TRAPPC9: variants seen among roughly 807,000 people sequenced by gnomAD.
TRAPPC9 encodes IKK2 binding protein.
In TRAPPC9, 83 loss-of-function variants were observed where a neutral mutation model predicts 124.0. The observed-to-expected ratio is 0.67, with a 90% CI of 0.56 to 0.80. The LOEUF (loss-of-function observed/expected upper bound fraction) is 0.80, where lower values mean the gene tolerates loss of function less well. Among genes scored for constraint, TRAPPC9 ranks in the 30% least tolerant of loss-of-function variants. The probability of loss-of-function intolerance (pLI) is 0.00; values close to 1 mark genes in which losing one functional copy is unlikely to be tolerated. For synonymous variants in TRAPPC9, 638 were observed against 617.5 expected (o/e 1.03, Z -0.49); for missense variants, 1,302 against 1,508.3 (o/e 0.86, Z 2.27).
chr8:140,162,426 T>G (rs1195806092), intron 17 of TRAPPC9, among the ~76,000 whole-genome samples: 1 of 152,240 alleles, frequency 6.6e-6, no homozygotes, highest in Non-Finnish European at 1.5e-5. Context: ...ATTGATCTGC[T>G]GATTACACTG....
intron 21 of TRAPPC9, among the ~76,000 whole-genome samples, chr8:139,840,789 G>A (rs28592977): frequency 0.19 from 28,709 of 152,042 alleles, 4,599 homozygotes; most frequent in African/African-American, 0.42. Context: ...CACAGCCCAG[G>A]GTCGCTCACC....
intron 9 of TRAPPC9, among the ~76,000 whole-genome samples, chr8:140,357,361 G>C (rs565978990): frequency 6.6e-6 from 1 of 152,234 alleles, no homozygotes; most frequent in South Asian, 2.1e-4. Context: ...TGACGGCTCA[G>C]GCGAAGGGCT....
chr8:139,990,941 G>A (rs867117449), intron 18 of TRAPPC9, among the ~76,000 whole-genome samples: 2 of 152,146 alleles, frequency 1.3e-5, no homozygotes, highest in South Asian at 4.2e-4. Context: ...CGCACACCTT[G>A]AGATGACAGC....
At chr8:139,845,840 G>A (rs1386935868) in intron 21 of TRAPPC9, among the ~76,000 whole-genome samples, 1 of 152,238 alleles carries the variant, frequency 6.6e-6, no homozygotes, top group Non-Finnish European at 1.5e-5. Context: ...GACCCTAACA[G>A]ACAAGCTGTG....
At chr8:140,405,810 A>G in intron 5 of TRAPPC9, 112 bp from the exon 6 acceptor site, 1 of 1,238,286 alleles carries the variant, frequency 8.1e-7, no homozygotes, top group South Asian at 1.3e-5. Flanking sequence ...TGAAATTTAA[A>G]TAATGTAAGT....
At chr8:140,235,468 A>T (rs1314002636) in intron 16 of TRAPPC9, among the ~76,000 whole-genome samples, 2 of 152,292 alleles carry the variant, frequency 1.3e-5, no homozygotes, top group South Asian at 2.1e-4. Context: ...ATAACCCAAT[A>T]AAAAAATGAA....
chr8:140,169,592 G>A (rs545185164), intron 17 of TRAPPC9, among the ~76,000 whole-genome samples: 5 of 152,250 alleles, frequency 3.3e-5, no homozygotes, highest in South Asian at 2.1e-4. Context: ...GTCCAGCCAC[G>A]AGAAGGAAGG....
At chr8:140,157,507 G>A (rs1361505030) in intron 17 of TRAPPC9, among the ~76,000 whole-genome samples, 1 of 152,240 alleles carries the variant, frequency 6.6e-6, no homozygotes, top group Admixed American at 6.5e-5. Flanking sequence ...GAAGATTCAG[G>A]AGCAGAACAA....
In TRAPPC9 at chr8:140,221,536, C is replaced by A; in HGVS notation, c.2479G>T (p.Val827Phe). Residue 827 changes from valine (V) to phenylalanine (F), a missense_variant, in exon 17 of 23, where the codon GTC becomes TTC. This residue lies in a region of TRAPPC9 where 640 missense variants were observed against 679.3 expected (regional missense o/e 0.94). Coordinates refer to ENST00000438773, the MANE Select transcript of TRAPPC9 (RefSeq NM_001160372.4). ...GFPLSSPFRQ[V>F]VRPRVEGKPV... is the part of the protein sequence containing the mutation. Reference sequence around the variant, plus strand: ...TTGCCCTCCACTCGGGGCCGAACGACCTGCCGAAAAGGACTGGACAGGGGA... The same window carrying A: ...TTGCCCTCCACTCGGGGCCGAACGAACTGCCGAAAAGGACTGGACAGGGGA... The A allele has an allele frequency of 6.2e-7, 1 of 1,614,160 alleles. No homozygotes were observed. The highest frequency in any genetic ancestry group is 1.6e-4 in the Middle Eastern group (1 of 6,062).
chr8:140,447,790 C>T (rs1394881751), intron 2 of TRAPPC9, among the ~76,000 whole-genome samples: 5 of 152,148 alleles, frequency 3.3e-5, no homozygotes. Flanking sequence ...CACTTCCTCA[C>T]TCCTACCAAG....
At chr8:140,071,993 GA>G (rs1277273490) in intron 17 of TRAPPC9, among the ~76,000 whole-genome samples, 1 of 152,178 alleles carries the variant, frequency 6.6e-6, no homozygotes, top group African/African-American at 2.4e-5. Context: ...AACTGACGCA[GA>G]AAAAGCACCT....
chr8:140,375,013 G>A (rs1033550209), intron 7 of TRAPPC9, among the ~76,000 whole-genome samples: 1 of 152,100 alleles, frequency 6.6e-6, no homozygotes, highest in Non-Finnish European at 1.5e-5. Context: ...GGAAAAGCTC[G>A]AGCGCAACTG....
At chr8:139,732,318 C>T in intron 21 of TRAPPC9, 116 bp from the exon 22 acceptor site, 1 of 978,196 alleles carries the variant, frequency 1.0e-6, no homozygotes, top group Non-Finnish European at 1.5e-6. Context: ...AAGGCTGCCA[C>T]CCACTCCCTG....
At chr8:139,948,629 T>C (rs1834430968) in intron 19 of TRAPPC9, among the ~76,000 whole-genome samples, 1 of 152,088 alleles carries the variant, frequency 6.6e-6, no homozygotes, top group South Asian at 2.1e-4. Flanking sequence ...CACCTTCAAA[T>C]GTAAAATTCT....
Position 140,253,677 on chromosome 8 carries a change from C to CA in TRAPPC9, c.2279-749dup, listed in dbSNP as rs1440859834. ...TGGGCAACAGAGCAAGACTCCATCT[C>CA]AAAAGAAAAAAAAAACATCAAATCA... On this transcript the variant is annotated intron_variant, in intron 15 of 22. Coordinates refer to ENST00000438773, the MANE Select transcript of TRAPPC9 (RefSeq NM_001160372.4). Among the ~76,000 whole-genome samples, 1,294 of 147,010 alleles carry CA rather than the reference C, an allele frequency of 8.8e-3. 20 individuals carry two copies. The highest frequency in any genetic ancestry group is 0.031 in the African/African-American group (1,210 of 39,528).
intron 19 of TRAPPC9, among the ~76,000 whole-genome samples, chr8:139,979,229 G>A (rs1440553237): frequency 6.6e-6 from 1 of 152,224 alleles, no homozygotes; most frequent in Non-Finnish European, 1.5e-5. Context: ...GGCCAGGCTT[G>A]GCTTAAGAAC....
chr8:139,806,955 C>T (rs1824111132), intron 21 of TRAPPC9, among the ~76,000 whole-genome samples: 1 of 152,224 alleles, frequency 6.6e-6, no homozygotes, highest in South Asian at 2.1e-4. Context: ...TTTGATCGGC[C>T]ACAGGCCAGG....
chr8:139,965,115 G>T (rs945605547), intron 19 of TRAPPC9, among the ~76,000 whole-genome samples: 146 of 152,180 alleles, frequency 9.6e-4, no homozygotes, highest in African/African-American at 3.3e-3. Flanking sequence ...GTCTCTGGGG[G>T]ACACAGGGCC....
intron 21 of TRAPPC9, among the ~76,000 whole-genome samples, chr8:139,747,934 A>G (rs373796666): frequency 0.01 from 365 of 35,980 alleles, no homozygotes; most frequent in South Asian, 0.031. Flanking sequence ...AGTGGGTGTG[A>G]GGGTGTCCCG....
Sources: allele counts gnomAD v4.1 joint callset (sites outside exome capture counted in the v4.1 genomes callset), GRCh38; gene constraint gnomAD v4.1.1; regional missense constraint gnomAD v4.1.1; transcripts MANE v1.5; gene names NCBI Gene and HGNC (gene_info 2026-07-23, HGNC 2026-07-21).